NECTIN3: variants seen among roughly 807,000 people sequenced by gnomAD.
NECTIN3 encodes nectin-3.
A neutral mutation model predicts 49.4 loss-of-function variants in NECTIN3; 8 were observed. The ratio of observed to expected loss-of-function variants is 0.16; its 90% CI spans 0.10 to 0.29. The LOEUF (loss-of-function observed/expected upper bound fraction) is 0.29. NECTIN3 is among the 10% of genes least tolerant of loss of function. The pLI, the probability that NECTIN3 is intolerant of heterozygous loss-of-function variation, is 1.00. For synonymous variants in NECTIN3, 277 were observed against 241.1 expected (o/e 1.15, Z -1.38); for missense variants, 581 against 654.6 (o/e 0.89, Z 1.23).
At position 111,134,378 on chromosome 3, in the gene NECTIN3, T is replaced by C; in HGVS notation, c.*163T>C. The stretch of plus-strand genomic sequence containing the variant: ...GACAAATGAAAATGTAAAATCTGAG[T>C]TCAGTGTATCTAAGCTGCTTTACAA... On this transcript the variant is annotated 3_prime_UTR_variant, in exon 6 of 6. Transcript: ENST00000485303. 7.2e-7 allele frequency: 1 copy of C among 1,391,942 alleles called. No individual in the cohort carries two copies. Among genetic ancestry groups the C allele is most frequent in the African/African-American group, 1.5e-5 (1 of 68,542 alleles). The allele number at this position is 1,391,942 out of a possible 1,614,324, so 86.2% of individuals were successfully genotyped here.
At chr3:111,091,023 C>T (rs1018139956) in intron 1 of NECTIN3, among the ~76,000 whole-genome samples, 1 of 151,920 alleles carries the variant, frequency 6.6e-6, no homozygotes, top group African/African-American at 2.4e-5. Context: ...TTACAGTTTA[C>T]TGATTTAAAG....
intron 7 of NECTIN3, among the ~76,000 whole-genome samples, chr3:111,170,587 T>C (rs1313235826): frequency 1.3e-5 from 2 of 152,132 alleles, no homozygotes; most frequent in Non-Finnish European, 2.9e-5. Flanking sequence ...CAAGTGGGCA[T>C]TTATAGCAAA....
chr3:111,167,732 C>G (rs1192379772), intron 7 of NECTIN3, among the ~76,000 whole-genome samples: 3 of 151,966 alleles, frequency 2.0e-5, no homozygotes, highest in African/African-American at 7.3e-5. Flanking sequence ...TTTGTGTCTC[C>G]CTATGTATAA....
At chr3:111,140,560 A>G (rs1198241796), downstream of NECTIN3, among the ~76,000 whole-genome samples, 2 of 151,886 alleles carry the variant, frequency 1.3e-5, no homozygotes, top group African/African-American at 2.4e-5. Flanking sequence ...TTATTAGTAT[A>G]TAACATGTAG....
intron 7 of NECTIN3, among the ~76,000 whole-genome samples, chr3:111,147,840 A>T (rs946729177): frequency 6.6e-6 from 1 of 152,212 alleles, no homozygotes; most frequent in African/African-American, 2.4e-5. Context: ...TTGTAAAATA[A>T]AAAGTAGAAA....
chr3:111,163,412 T>G (rs2035256215), intron 7 of NECTIN3, among the ~76,000 whole-genome samples: 1 of 151,980 alleles, frequency 6.6e-6, no homozygotes, highest in Admixed American at 6.6e-5. Context: ...AATGGGGGAG[T>G]GGCAGTATTC....
At chr3:111,141,258 A>G (rs1316706519), downstream of NECTIN3, among the ~76,000 whole-genome samples, 1 of 151,982 alleles carries the variant, frequency 6.6e-6, no homozygotes, top group African/African-American at 2.4e-5. Context: ...TGGTAATACA[A>G]TAATATATAG....
intron 7 of NECTIN3, among the ~76,000 whole-genome samples, chr3:111,171,250 G>A (rs1366188507): frequency 6.6e-6 from 1 of 152,156 alleles, no homozygotes; most frequent in African/African-American, 2.4e-5. Context: ...CCTACAATGG[G>A]TTTCAAGTAC....
At chr3:111,114,911 C>A (rs1327529612) in intron 2 of NECTIN3, among the ~76,000 whole-genome samples, 1 of 151,964 alleles carries the variant, frequency 6.6e-6, no homozygotes, top group Non-Finnish European at 1.5e-5. Context: ...GGGCTAACGG[C>A]AGGACTTAAG....
chr3:111,072,559 A>G, intron 1 of NECTIN3: 2 of 1,535,620 alleles, frequency 1.3e-6, no homozygotes, highest in Non-Finnish European at 1.7e-6. Flanking sequence ...TTCCCGGTGA[A>G]ACTTGAGCTG....
chr3:111,120,019 A>T (rs2033876497), intron 3 of NECTIN3, among the ~76,000 whole-genome samples: 1 of 152,184 alleles, frequency 6.6e-6, no homozygotes, highest in Admixed American at 6.5e-5. Context: ...TAGTTTAAAA[A>T]ATGTTACTAC....
intron 2 of NECTIN3, among the ~76,000 whole-genome samples, chr3:111,114,442 C>T (rs1055360372): frequency 2.0e-5 from 3 of 152,078 alleles, no homozygotes; most frequent in Non-Finnish European, 4.4e-5. Flanking sequence ...GCAGTTACCA[C>T]ACTATTATGT....
At position 111,135,520 on chromosome 3, in the gene NECTIN3, T is replaced by G; in HGVS notation, c.*1305T>G. The stretch of plus-strand genomic sequence containing the variant: ...TTAAATTGCTTCTACAGTGGAGGCT[T>G]ACAAAATTATTGTGACAACTATTTT... On this transcript the variant is annotated 3_prime_UTR_variant, in exon 6 of 6. Coordinates refer to ENST00000485303, the MANE Select transcript of NECTIN3 (RefSeq NM_015480.3). 2.0e-6 allele frequency: 2 copies of G among 982,184 alleles called. No individual in the cohort carries two copies. Among genetic ancestry groups the G allele is most frequent in the Non-Finnish European group, 2.4e-6 (2 of 827,076 alleles). 60.8% of individuals were successfully genotyped at this position (982,184 alleles called of 1,614,324 possible).
chr3:111,116,882 G>A (rs2033710142), intron 2 of NECTIN3, among the ~76,000 whole-genome samples: 1 of 152,048 alleles, frequency 6.6e-6, no homozygotes, highest in Admixed American at 6.6e-5. Context: ...TGAGTATATG[G>A]ACCAGCAGGA....
At chr3:111,153,422 G>T (rs183197103) in intron 7 of NECTIN3, among the ~76,000 whole-genome samples, 2 of 151,980 alleles carry the variant, frequency 1.3e-5, no homozygotes, top group Non-Finnish European at 2.9e-5. Context: ...GATGTAACAT[G>T]TGAAGTATAA....
At chr3:111,088,301 T>C (rs2032052288) in intron 1 of NECTIN3, among the ~76,000 whole-genome samples, 1 of 152,148 alleles carries the variant, frequency 6.6e-6, no homozygotes, top group African/African-American at 2.4e-5. Context: ...GTCCTTTGCC[T>C]TCTGCCATGC....
At chr3:111,092,060 A>C (rs1457505706) in intron 1 of NECTIN3, among the ~76,000 whole-genome samples, 1 of 152,116 alleles carries the variant, frequency 6.6e-6, no homozygotes, top group East Asian at 1.9e-4. Flanking sequence ...GCAAATTTTC[A>C]TTTGCTTATT....
intron 1 of NECTIN3, among the ~76,000 whole-genome samples, chr3:111,104,359 C>T (rs1245710987): frequency 8.6e-6 from 1 of 115,966 alleles, no homozygotes; most frequent in Non-Finnish European, 1.6e-5. Context: ...CTTGATCTGT[C>T]TACAAGGCTG....
intron 1 of NECTIN3, among the ~76,000 whole-genome samples, chr3:111,079,615 T>C (rs2031463524): frequency 6.6e-6 from 1 of 151,782 alleles, no homozygotes; most frequent in African/African-American, 2.4e-5. Context: ...AGAAGGCATA[T>C]AGCTAACAGT....
Sources: gnomAD v4.1 joint callset for allele counts (sites outside exome capture counted in the v4.1 genomes callset) on GRCh38, gnomAD v4.1.1 for gene constraint, MANE v1.5 for transcripts, NCBI Gene and HGNC (gene_info 2026-07-23, HGNC 2026-07-21) for gene names.